Variants in MARCHF3 observed in about 807,000 individuals in gnomAD.
MARCHF3 encodes E3 ubiquitin-protein ligase MARCHF3.
MARCHF3 carries 13 observed loss-of-function variants against 24.2 expected under a neutral mutation model. The ratio of observed to expected loss-of-function variants is 0.54; its 90% CI spans 0.35 to 0.85. The LOEUF (loss-of-function observed/expected upper bound fraction) is 0.85. Among genes scored for constraint, MARCHF3 ranks in the 40% least tolerant of loss-of-function variants. MARCHF3 has a pLI of 0.01. For synonymous variants in MARCHF3, 144 were observed against 137.3 expected (o/e 1.05, Z -0.34); for missense variants, 276 against 325.0 (o/e 0.85, Z 1.16).
At chr5:127,014,360 ATGTAAAC>A (rs1411101167) in intron 1 of MARCHF3, among the ~76,000 whole-genome samples, 1 of 152,176 alleles carries the variant, frequency 6.6e-6, no homozygotes, top group African/African-American at 2.4e-5. Context: ...GCTGGTGGTA[ATGTAAAC>A]TAGTACAGCC....
At chr5:126,873,927 G>A (rs1341079484) in intron 4 of MARCHF3, among the ~76,000 whole-genome samples, 1 of 152,166 alleles carries the variant, frequency 6.6e-6, no homozygotes, top group Non-Finnish European at 1.5e-5. Flanking sequence ...CTGCATCCCT[G>A]CAATGCAATA....
At position 126,973,664 on chromosome 5, in the gene MARCHF3, G is replaced by T. The variant is rs141876209; in HGVS notation, c.-56-55437C>A. Among the ~76,000 whole-genome samples the T allele has an allele frequency of 2.8e-3, 431 of 152,336 alleles. 1 individual carries two copies. Among genetic ancestry groups the T allele is most frequent in the Middle Eastern group, 0.017 (5 of 294 alleles). On this transcript the variant is annotated intron_variant, in intron 1 of 4. Coordinates refer to ENST00000308660, the MANE Select transcript of MARCHF3 (RefSeq NM_178450.5). ...TAATGACTCTACCTACTTCAGTAGT[G>T]CTAGGAAAGAGATGTGGATTACTGC... is the stretch of plus-strand genomic sequence containing the variant.
At chr5:126,941,619 T>C (rs1431042780) in intron 1 of MARCHF3, among the ~76,000 whole-genome samples, 2 of 152,226 alleles carry the variant, frequency 1.3e-5, no homozygotes, top group African/African-American at 2.4e-5. Flanking sequence ...GGTCTAGGAC[T>C]GCATTAAAGT....
chr5:127,010,733 A>T (rs1300602981), intron 1 of MARCHF3, among the ~76,000 whole-genome samples: 10 of 152,230 alleles, frequency 6.6e-5, no homozygotes, highest in Non-Finnish European at 1.5e-5. Context: ...ATTCAGCCTT[A>T]AAAAGGTAGG....
rs777514984 is a variant in MARCHF3, at chr5:126,878,335, G to A, written c.453C>T (p.Cys151=). 5 of 1,614,218 alleles carry A rather than the reference G, an allele frequency of 3.1e-6. No homozygotes were observed. The South Asian group carries it at 5.5e-5, about 18-fold the overall frequency. Residue 151 remains cysteine, a synonymous_variant, in exon 4 of 5, where the codon TGC becomes TGT. Transcript: ENST00000308660. ...TGGCCAGGGGAGTTATAAACAAGAAGCACACCATGTCGCCAAACAGAGTCC... is the reference window on the plus strand; with the variant it reads ...TGGCCAGGGGAGTTATAAACAAGAAACACACCATGTCGCCAAACAGAGTCC... ...EKRTLFGDMV[C]FLFITPLATI...
chr5:126,962,232 ATC>A (rs547331717), intron 1 of MARCHF3, among the ~76,000 whole-genome samples: 60 of 151,798 alleles, frequency 4.0e-4, no homozygotes, highest in Non-Finnish European at 8.0e-4. Context: ...ATATCTATAT[ATC>A]TCTCTCTCTA....
intron 1 of MARCHF3, among the ~76,000 whole-genome samples, chr5:126,921,183 A>C (rs1441964247): frequency 2.0e-5 from 3 of 152,166 alleles, no homozygotes; most frequent in African/African-American, 7.2e-5. Flanking sequence ...TAAGACTGGC[A>C]TGCCAGCAAT....
rs57496473 is a variant in MARCHF3, at chr5:126,919,944, A to G, written c.-56-1717T>C. On this transcript the variant is annotated intron_variant, in intron 1 of 4. Coordinates refer to ENST00000308660, the MANE Select transcript of MARCHF3 (RefSeq NM_178450.5). ...GGCACAGGCAGAGGCTGCCCCACTCATGCCATTTTCAAGACCAGCAATACT... is the reference window on the plus strand; with the variant it reads ...GGCACAGGCAGAGGCTGCCCCACTCGTGCCATTTTCAAGACCAGCAATACT... Among the ~76,000 whole-genome samples, 1,279 of 152,312 alleles carry G rather than the reference A, an allele frequency of 8.4e-3. 18 individuals carry two copies. The highest frequency in any genetic ancestry group is 0.026 in the East Asian group (133 of 5,172).
In MARCHF3 at chr5:126,910,662, G is replaced by A. The variant is rs190550973; in HGVS notation, c.393+4268C>T. Among the ~76,000 whole-genome samples the A allele has an allele frequency of 4.6e-3, 704 of 152,270 alleles. 4 individuals carry two copies. Among genetic ancestry groups the A allele is most frequent in the Middle Eastern group, 0.037 (11 of 294 alleles). ...TCTCTTAATCCCATCATCTTTGTAA[G>A]CTGAGGAGGATGTATGTCACCTCAG... On this transcript the variant is annotated intron_variant, in intron 3 of 4. Transcript: ENST00000308660.
chr5:127,016,249 A>G (rs1363591436), intron 1 of MARCHF3, among the ~76,000 whole-genome samples: 3 of 152,192 alleles, frequency 2.0e-5, no homozygotes, highest in Non-Finnish European at 2.9e-5. Flanking sequence ...AGGGTGAACT[A>G]CTGTTATGAG....
chr5:127,012,382 C>T (rs1206274536), intron 1 of MARCHF3, among the ~76,000 whole-genome samples: 2 of 152,038 alleles, frequency 1.3e-5, no homozygotes, highest in Non-Finnish European at 2.9e-5. Flanking sequence ...ATGTCAGTAC[C>T]TAGTAAATTG....
chr5:126,962,834 C>CGCGT (rs1554069031), intron 1 of MARCHF3, among the ~76,000 whole-genome samples: 1 of 147,648 alleles, frequency 6.8e-6, no homozygotes, highest in African/African-American at 2.5e-5. Context: ...TGTGTGTGTG[C>CGCGT]GTGTGTGTGT....
chr5:126,911,419 T>A (rs1057316014), intron 3 of MARCHF3, among the ~76,000 whole-genome samples: 1 of 152,192 alleles, frequency 6.6e-6, no homozygotes, highest in Non-Finnish European at 1.5e-5. Flanking sequence ...TGTCCCTTTA[T>A]TTCTCAGACT....
intron 2 of MARCHF3, among the ~76,000 whole-genome samples, chr5:126,916,530 C>T (rs146455461): frequency 1.3e-5 from 2 of 152,262 alleles, no homozygotes; most frequent in East Asian, 3.9e-4. Context: ...GCCTGAAAGG[C>T]CTACTTGTGC....
At chr5:126,877,458 T>C (rs1430208369) in intron 4 of MARCHF3, among the ~76,000 whole-genome samples, 1 of 152,172 alleles carries the variant, frequency 6.6e-6, no homozygotes, top group Non-Finnish European at 1.5e-5. Flanking sequence ...AGGAGAGAGA[T>C]CAAATGTTGC....
chr5:126,891,153 A>T, intron 3 of MARCHF3, among the ~76,000 whole-genome samples: 1 of 147,888 alleles, frequency 6.8e-6, no homozygotes, highest in African/African-American at 2.5e-5. Context: ...TTTTCTTGTA[A>T]ATTTGTTTGA....
At chr5:126,909,555 AG>A (rs1300812532) in intron 3 of MARCHF3, among the ~76,000 whole-genome samples, 1 of 152,228 alleles carries the variant, frequency 6.6e-6, no homozygotes, top group East Asian at 1.9e-4. Context: ...GGAAAATCGC[AG>A]TATTCGGGTG....
intron 1 of MARCHF3, among the ~76,000 whole-genome samples, chr5:127,006,155 A>G (rs945325254): frequency 6.6e-6 from 1 of 150,654 alleles, no homozygotes; most frequent in African/African-American, 2.5e-5. Context: ...GTGAGCCGAG[A>G]TCGCACCACT....
chr5:126,943,809 C>G lies in MARCHF3; in HGVS notation c.-56-25582G>C, dbSNP rs146006599. 9.2e-5 allele frequency among the ~76,000 whole-genome samples: 14 copies of G among 151,878 alleles called. No homozygotes were observed. In the East Asian group the frequency reaches 1.2e-3, roughly 13 times the overall value. On this transcript the variant is annotated intron_variant, in intron 1 of 4. Coordinates refer to ENST00000308660, the MANE Select transcript of MARCHF3 (RefSeq NM_178450.5). ...GAACCCTGGCATCAGATTCATGAAC[C>G]CTTACTCTTTTTTTTTTTGGATACG...
Sources: gnomAD v4.1 joint callset for allele counts (sites outside exome capture counted in the v4.1 genomes callset) on GRCh38, gnomAD v4.1.1 for gene constraint, MANE v1.5 for transcripts, NCBI Gene and HGNC (gene_info 2026-07-23, HGNC 2026-07-21) for gene names.